PARD3B: variants seen among roughly 807,000 people sequenced by gnomAD.
PARD3B encodes the protein par-3 family cell polarity regulator beta.
Under a neutral mutation model 130.2 loss-of-function variants are expected in PARD3B, and 103 were observed. The observed-to-expected ratio is 0.79, with a 90% confidence interval of 0.67 to 0.93. The LOEUF (loss-of-function observed/expected upper bound fraction) is 0.93. Ranked by LOEUF, PARD3B falls within the 40% of genes least tolerant of loss-of-function variation. PARD3B has a pLI of 0.00. For missense variants in PARD3B, 1,609 were observed against 1,499.2 expected (o/e 1.07, Z -1.21); for synonymous variants, 583 against 553.2 (o/e 1.05, Z -0.76).
chr2:205,098,874 C>T (rs772719822), intron 4 of PARD3B, among the ~76,000 whole-genome samples: 2 of 152,198 alleles, frequency 1.3e-5, no homozygotes, highest in African/African-American at 2.4e-5. Flanking sequence ...AAAAATAGTG[C>T]GGTGATGTTT....
At position 205,047,608 on chromosome 2, in the gene PARD3B, G is replaced by T; in HGVS notation, c.422G>T (p.Ser141Ile). Reference protein sequence around the residue: ...LGTPLLVRRSSDPVPGPPADT... With the variant: ...LGTPLLVRRSIDPVPGPPADT... ...ACTCCACTGCTGGTGAGGAGAAGCAGTGACCCAGTGCCAGGCCCACCTGCT... is the reference window on the plus strand; with the variant it reads ...ACTCCACTGCTGGTGAGGAGAAGCATTGACCCAGTGCCAGGCCCACCTGCT... Residue 141 changes from serine to isoleucine, a missense_variant, in exon 4 of 23, where the codon AGT becomes ATT. Ser to Ile is a moderately radical substitution (Grantham distance 142). Transcript: ENST00000406610. 6.5e-7 allele frequency: 1 copy of T among 1,550,332 alleles called. No homozygotes were observed. Among genetic ancestry groups the T allele is most frequent in the Non-Finnish European group, 8.7e-7 (1 of 1,146,868 alleles).
intron 19 of PARD3B, among the ~76,000 whole-genome samples, chr2:205,439,744 A>G (rs548510486): frequency 6.6e-6 from 1 of 152,168 alleles, no homozygotes; most frequent in Admixed American, 6.5e-5. Context: ...TTTCTTCACT[A>G]TTTTACTCTG....
At chr2:204,780,091 A>C (rs189629010) in intron 2 of PARD3B, among the ~76,000 whole-genome samples, 1 of 152,264 alleles carries the variant, frequency 6.6e-6, no homozygotes, top group Admixed American at 6.5e-5. Flanking sequence ...AGTAAAACTG[A>C]ATTTGCAAAC....
chr2:205,594,778 G>A (rs2054510273), intron 22 of PARD3B, among the ~76,000 whole-genome samples: 1 of 152,166 alleles, frequency 6.6e-6, no homozygotes, highest in Non-Finnish European at 1.5e-5. Context: ...TGCAACCTCT[G>A]TTAGAGGATT....
chr2:205,538,519 ATAT>A (rs1398122433), intron 21 of PARD3B, among the ~76,000 whole-genome samples: 4 of 152,162 alleles, frequency 2.6e-5, no homozygotes, highest in African/African-American at 9.7e-5. Context: ...TAAATGTGTC[ATAT>A]TATTCCAGCC....
At chr2:205,362,719 G>A (rs556766871) in intron 18 of PARD3B, among the ~76,000 whole-genome samples, 13 of 152,238 alleles carry the variant, frequency 8.5e-5, no homozygotes, top group Middle Eastern at 3.4e-3. Context: ...TAAATTCTGC[G>A]AGATTGGTAA....
At chr2:205,435,021 A>C (rs1205344673) in intron 19 of PARD3B, among the ~76,000 whole-genome samples, 1 of 152,156 alleles carries the variant, frequency 6.6e-6, no homozygotes, top group Non-Finnish European at 1.5e-5. Flanking sequence ...CAGTATAACC[A>C]TGTATACCCA....
intron 1 of PARD3B, among the ~76,000 whole-genome samples, chr2:204,680,403 G>T (rs1005155780): frequency 3.3e-5 from 5 of 151,916 alleles, no homozygotes; most frequent in African/African-American, 1.2e-4. Flanking sequence ...ATCTATAATG[G>T]TTTTGCTTGC....
chr2:204,787,149 A>G (rs2042040652), intron 2 of PARD3B, among the ~76,000 whole-genome samples: 1 of 151,926 alleles, frequency 6.6e-6, no homozygotes, highest in Non-Finnish European at 1.5e-5. Context: ...TAGGAAGACT[A>G]CACAACTCAG....
At chr2:204,963,822 T>G (rs1690960064) in intron 2 of PARD3B, among the ~76,000 whole-genome samples, 1 of 152,210 alleles carries the variant, frequency 6.6e-6, no homozygotes, top group Non-Finnish European at 1.5e-5. Flanking sequence ...TTAAAAATAA[T>G]GCCTTGGGAG....
At chr2:205,612,644 T>C (rs1213301713) in intron 22 of PARD3B, among the ~76,000 whole-genome samples, 1 of 152,190 alleles carries the variant, frequency 6.6e-6, no homozygotes, top group Non-Finnish European at 1.5e-5. Context: ...GGCCAACTCA[T>C]TGTTTTTCTT....
At chr2:204,737,219 C>T (rs1022269145) in intron 2 of PARD3B, among the ~76,000 whole-genome samples, 2 of 152,220 alleles carry the variant, frequency 1.3e-5, no homozygotes, top group Non-Finnish European at 2.9e-5. Flanking sequence ...CTGCCTGGGC[C>T]TCCCAAAGTG....
At chr2:205,058,296 G>C (rs1489567407) in intron 4 of PARD3B, among the ~76,000 whole-genome samples, 5 of 151,794 alleles carry the variant, frequency 3.3e-5, no homozygotes, top group Non-Finnish European at 1.5e-5. Context: ...ATACTCTGTT[G>C]TATTTGTATA....
rs902252388 is a variant in PARD3B, at chr2:205,585,253, A to G, written c.3261-30203A>G. 2.6e-5 allele frequency among the ~76,000 whole-genome samples: 4 copies of G among 152,114 alleles called. No homozygotes were observed. The highest frequency in any genetic ancestry group is 5.9e-5 in the Non-Finnish European group (4 of 68,024). ...GAAAATGTGTATGCCCTATCCCACAAAGTAAATGCTGTCTTGGGCTTTTAA... is the reference window on the plus strand; with the variant it reads ...GAAAATGTGTATGCCCTATCCCACAGAGTAAATGCTGTCTTGGGCTTTTAA... On this transcript the variant is annotated intron_variant, in intron 22 of 22. Coordinates refer to ENST00000406610, the MANE Select transcript of PARD3B (RefSeq NM_001302769.2). The surrounding 1 kb of genome is among the most constrained non-coding windows in gnomAD (Gnocchi z 5.4).
chr2:205,238,862 A>ATATATATATATGTATGTGTG (rs2039204025), intron 15 of PARD3B, among the ~76,000 whole-genome samples: 1 of 98,770 alleles, frequency 1.0e-5, no homozygotes, highest in African/African-American at 4.1e-5. Flanking sequence ...ATATATATAT[A>ATATATATATATGTATGTGTG]TATATATATA....
At chr2:205,093,742 C>G (rs951298639) in intron 4 of PARD3B, among the ~76,000 whole-genome samples, 1 of 152,154 alleles carries the variant, frequency 6.6e-6, no homozygotes, top group Non-Finnish European at 1.5e-5. Context: ...CAGTGCATCC[C>G]TCTACCTCTC....
intron 3 of PARD3B, 51 bp from the exon 4 acceptor site, chr2:205,047,530 C>G (rs1213091264): frequency 5.7e-6 from 7 of 1,230,798 alleles, no homozygotes; most frequent in East Asian, 2.5e-5. Context: ...GTCATGCACT[C>G]TCTTCACCCC....
chr2:204,661,732 A>T (rs1174770890), intron 1 of PARD3B, among the ~76,000 whole-genome samples: 4 of 152,240 alleles, frequency 2.6e-5, no homozygotes, highest in Admixed American at 6.5e-5. Flanking sequence ...ATGAAATAAT[A>T]TATTTTTATG....
chr2:204,999,453 A>G (rs1291309109), intron 3 of PARD3B, among the ~76,000 whole-genome samples: 1 of 152,224 alleles, frequency 6.6e-6, no homozygotes, highest in Admixed American at 6.5e-5. Context: ...AACTTGCTAT[A>G]GAATGTACCA....
Sources: gnomAD v4.1 joint callset for allele counts (sites outside exome capture counted in the v4.1 genomes callset) on GRCh38, gnomAD v4.1.1 for gene constraint, Gnocchi (gnomAD v3.1) non-coding constraint, MANE v1.5 for transcripts, NCBI Gene and HGNC (gene_info 2026-07-23, HGNC 2026-07-21) for gene names.